ARHGAP39: variants seen among roughly 807,000 people sequenced by gnomAD.
The protein encoded by ARHGAP39 is rho GTPase-activating protein 39.
ARHGAP39 carries 44 observed loss-of-function variants against 106.9 expected under a neutral mutation model. The observed-to-expected ratio is 0.41, with a 90% CI of 0.32 to 0.53. ARHGAP39 has a LOEUF of 0.53. ARHGAP39 is among the 20% of genes least tolerant of loss of function. ARHGAP39 has a pLI of 0.21. For missense variants in ARHGAP39, 1,496 were observed against 1,577.3 expected (o/e 0.95, Z 0.87); for synonymous variants, 768 against 693.2 (o/e 1.11, Z -1.69).
intron 3 of ARHGAP39, among the ~76,000 whole-genome samples, chr8:144,558,294 T>C (rs998027741): frequency 1.3e-5 from 2 of 152,158 alleles, no homozygotes; most frequent in Non-Finnish European, 2.9e-5. Context: ...TCTTTTTTTT[T>C]GTTTGGCTGG....
chr8:144,532,275 G>T, intron 10 of ARHGAP39, 30 bp downstream of exon 10: 2 of 1,605,974 alleles, frequency 1.2e-6, no homozygotes, highest in Non-Finnish European at 8.5e-7. Context: ...AGCCAGGCCC[G>T]CTCTGCTGCA....
intron 2 of ARHGAP39, 149 bp downstream of exon 2, chr8:144,605,386 G>A (rs1405603845): frequency 6.5e-6 from 5 of 773,286 alleles, no homozygotes; most frequent in Non-Finnish European, 1.1e-5. Context: ...GTGCACAGGT[G>A]GCATCGGCCA....
chr8:144,683,916 C>A (rs1317073990), intron 1 of ARHGAP39, among the ~76,000 whole-genome samples: 2 of 152,194 alleles, frequency 1.3e-5, no homozygotes, highest in Non-Finnish European at 2.9e-5. Flanking sequence ...TCCTAACTTT[C>A]TAAAACACAG....
chr8:144,608,752 G>C (rs1040217221), intron 1 of ARHGAP39, among the ~76,000 whole-genome samples: 1 of 152,074 alleles, frequency 6.6e-6, no homozygotes, highest in Non-Finnish European at 1.5e-5. Context: ...CTCTAGTTGG[G>C]TCTACTTTCA....
chr8:144,594,198 C>T (rs1015636165), intron 2 of ARHGAP39, among the ~76,000 whole-genome samples: 4 of 151,628 alleles, frequency 2.6e-5, no homozygotes, highest in Non-Finnish European at 5.9e-5. Context: ...CATTAAAAGA[C>T]GCTCGTGATC....
At position 144,548,627 on chromosome 8, in the gene ARHGAP39, C is replaced by T. The variant is rs927487253; in HGVS notation, c.597-138G>A. On this transcript the variant is annotated intron_variant, in intron 4 of 11. Transcript: ENST00000377307. The surrounding 1 kb of genome is among the most constrained non-coding windows in gnomAD (Gnocchi z 7.4). ...TCCTCGCTGGGGCCCTGTGGCCTGG[C>T]GCCCCTCACACCTGCCTTGCCCCAG... is the stretch of plus-strand genomic sequence containing the variant. The T allele has an allele frequency of 8.1e-6, 10 of 1,239,282 alleles. No homozygotes were observed. The highest frequency in any genetic ancestry group is 7.8e-5 in the South Asian group (5 of 64,004). 76.8% of individuals were successfully genotyped at this position (1,239,282 alleles called of 1,614,324 possible).
chr8:144,627,211 G>C (rs531226294), intron 1 of ARHGAP39, among the ~76,000 whole-genome samples: 62 of 152,284 alleles, frequency 4.1e-4, no homozygotes, highest in Admixed American at 6.5e-4. Context: ...GGGGGCTCTG[G>C]TGTCACCCTT....
intron 1 of ARHGAP39, among the ~76,000 whole-genome samples, chr8:144,655,079 T>C (rs556217873): frequency 1.3e-5 from 2 of 152,220 alleles, no homozygotes; most frequent in South Asian, 2.1e-4. Flanking sequence ...TGGAGCAAAG[T>C]TGGGTCTGAG....
intron 1 of ARHGAP39, among the ~76,000 whole-genome samples, chr8:144,623,677 G>A (rs903481065): frequency 6.6e-6 from 1 of 152,300 alleles, no homozygotes; most frequent in Non-Finnish European, 1.5e-5. Context: ...GCAGAACGCC[G>A]ACCCAAGAAA....
At chr8:144,599,636 T>C (rs1819768244) in intron 2 of ARHGAP39, among the ~76,000 whole-genome samples, 1 of 151,970 alleles carries the variant, frequency 6.6e-6, no homozygotes, top group African/African-American at 2.4e-5. Flanking sequence ...AAGACAAAAT[T>C]ATATCAGGAA....
chr8:144,575,692 C>T (rs902388932), intron 3 of ARHGAP39, among the ~76,000 whole-genome samples: 60 of 151,976 alleles, frequency 3.9e-4, no homozygotes, highest in African/African-American at 1.4e-3. Context: ...TTTAAGTGCA[C>T]GCTAAATGAT....
intron 3 of ARHGAP39, among the ~76,000 whole-genome samples, chr8:144,573,256 A>C (rs1466924110): frequency 1.3e-5 from 2 of 152,190 alleles, no homozygotes; most frequent in Non-Finnish European, 2.9e-5. Context: ...GCACATATAC[A>C]CCATGGAATA....
intron 2 of ARHGAP39, among the ~76,000 whole-genome samples, chr8:144,600,272 G>A (rs1289293720): frequency 6.8e-6 from 1 of 147,152 alleles, no homozygotes; most frequent in Non-Finnish European, 1.5e-5. Flanking sequence ...GGGGGTGTCT[G>A]TGTGCTCCTG....
rs577061952 is a variant in ARHGAP39 at position 144,585,372 on chromosome 8, C to A, written c.81-4095G>T. On this transcript the variant is annotated intron_variant, in intron 2 of 11. Transcript: ENST00000377307. The surrounding 1 kb of genome is among the most constrained non-coding windows in gnomAD (Gnocchi z 4.6). The stretch of plus-strand genomic sequence containing the variant: ...CTCACCGAGAACCTGGAGGGGCCAG[C>A]CAAGGGTTCCCAGCACCGGCTCACC... 7.3e-5 allele frequency among the ~76,000 whole-genome samples: 11 copies of A among 151,180 alleles called. No homozygotes were observed. The East Asian group carries it at 1.8e-3, about 24-fold the overall frequency.
chr8:144,605,419 C>T lies in ARHGAP39; in HGVS notation c.80+116G>A, dbSNP rs1003463906. The T allele has an allele frequency of 3.3e-5, 37 of 1,122,320 alleles. No individual in the cohort carries two copies. In the Middle Eastern group the frequency reaches 9.9e-4, roughly 30 times the overall value. 69.5% of individuals were successfully genotyped at this position (1,122,320 alleles called of 1,614,324 possible). On this transcript the variant is annotated intron_variant, in intron 2 of 11. Transcript: ENST00000377307. ...CCATCCAGGCCTTGGGAACAGCCAG[C>T]GACGAATCCATTCTCCACGGAGAAT... is the stretch of plus-strand genomic sequence containing the variant.
At chr8:144,694,744 T>C in the ARHGAP39 span, among the ~76,000 whole-genome samples, 1 of 152,192 alleles carries the variant, frequency 6.6e-6, no homozygotes, top group East Asian at 1.9e-4. Flanking sequence ...GCTGGAATCT[T>C]ATGATAACAT....
chr8:144,665,452 G>T (rs963265845), intron 1 of ARHGAP39, among the ~76,000 whole-genome samples: 1 of 151,756 alleles, frequency 6.6e-6, no homozygotes, highest in Admixed American at 6.6e-5. Context: ...AATGTCGCCA[G>T]GCCATGTCAG....
chr8:144,652,131 C>T (rs1230849176), intron 1 of ARHGAP39, among the ~76,000 whole-genome samples: 1 of 151,906 alleles, frequency 6.6e-6, no homozygotes, highest in Admixed American at 6.6e-5. Context: ...AAACAGGCAA[C>T]CTATAGAATG....
Position 144,644,834 on chromosome 8 carries a change from C to A in ARHGAP39, c.-81-39139G>T, listed in dbSNP as rs996853241. Among the ~76,000 whole-genome samples the A allele has an allele frequency of 1.3e-5, 2 of 152,256 alleles. No individual in the cohort carries two copies. The highest frequency in any genetic ancestry group is 1.3e-4 in the Admixed American group (2 of 15,286). On this transcript the variant is annotated intron_variant, in intron 1 of 11. Coordinates refer to ENST00000377307, the MANE Select transcript of ARHGAP39 (RefSeq NM_025251.3). The surrounding 1 kb of genome is among the most constrained non-coding windows in gnomAD (Gnocchi z 4.8). Reference sequence around the variant, plus strand: ...GCACCAAACCCAAGCCCTGTACCTTCACCCTACACCTGAGCCCCTTCCTCA... The same window carrying A: ...GCACCAAACCCAAGCCCTGTACCTTAACCCTACACCTGAGCCCCTTCCTCA...
Sources: allele counts gnomAD v4.1 joint callset (sites outside exome capture counted in the v4.1 genomes callset), GRCh38; gene constraint gnomAD v4.1.1; non-coding constraint Gnocchi (gnomAD v3.1); transcripts MANE v1.5; gene names NCBI Gene and HGNC (gene_info 2026-07-23, HGNC 2026-07-21).